SOX5: variants seen among roughly 807,000 people sequenced by gnomAD.
The protein encoded by SOX5 is transcription factor SOX-5.
A neutral mutation model predicts 92.0 loss-of-function variants in SOX5; 9 were observed. The observed-to-expected ratio is 0.10, with a 90% CI of 0.06 to 0.17. SOX5 has a LOEUF of 0.17. Ranked by LOEUF, SOX5 falls within the 10% of genes least tolerant of loss-of-function variation. The pLI, the probability that SOX5 is intolerant of heterozygous loss-of-function variation, is 1.00. For synonymous variants in SOX5, 344 were observed against 336.3 expected, an observed-to-expected ratio of 1.02 and a Z score of -0.25; for missense variants, 642 against 944.5, an observed-to-expected ratio of 0.68 and a Z score of 4.20.
chr12:23,592,429 T>A (rs1468483984), intron 9 of SOX5, among the ~76,000 whole-genome samples: 3 of 152,138 alleles, frequency 2.0e-5, no homozygotes, highest in Non-Finnish European at 4.4e-5. Context: ...CTAAAAGCTG[T>A]GGGATATTGC....
chr12:23,682,743 T>A (rs1451216073), intron 6 of SOX5, among the ~76,000 whole-genome samples: 4 of 151,792 alleles, frequency 2.6e-5, no homozygotes, highest in African/African-American at 9.7e-5. Context: ...ATTCAAAATA[T>A]TACATGTTTG....
chr12:24,313,162 C>T (rs1184479129), intron 2 of SOX5, among the ~76,000 whole-genome samples: 2 of 152,112 alleles, frequency 1.3e-5, no homozygotes, highest in African/African-American at 2.4e-5. Context: ...TGAAGGGTCC[C>T]AGATCCTCTA....
intron 4 of SOX5, among the ~76,000 whole-genome samples, chr12:23,977,054 T>C (rs940750000): frequency 1.3e-5 from 2 of 152,184 alleles, no homozygotes; most frequent in Non-Finnish European, 2.9e-5. Flanking sequence ...ATTATCCTTA[T>C]GGAAATATCA....
intron 2 of SOX5, among the ~76,000 whole-genome samples, chr12:24,322,601 G>A (rs954811650): frequency 1.1e-4 from 16 of 152,066 alleles, no homozygotes; most frequent in African/African-American, 3.6e-4. Flanking sequence ...TTATGTTGGT[G>A]TCTCAGTGAG....
At chr12:23,986,216 C>T (rs977086025) in intron 4 of SOX5, among the ~76,000 whole-genome samples, 3 of 152,082 alleles carry the variant, frequency 2.0e-5, no homozygotes, top group African/African-American at 7.2e-5. Context: ...ATAAATCTAT[C>T]TTTAACTGGC....
At chr12:24,038,615 G>A (rs779149305) in intron 4 of SOX5, among the ~76,000 whole-genome samples, 42 of 152,088 alleles carry the variant, frequency 2.8e-4, no homozygotes, top group Non-Finnish European at 5.3e-4. Context: ...GGTCCACGTA[G>A]AGCACAATAT....
At chr12:24,031,590 T>A (rs1034703350) in intron 4 of SOX5, among the ~76,000 whole-genome samples, 2 of 151,748 alleles carry the variant, frequency 1.3e-5, no homozygotes, top group Non-Finnish European at 2.9e-5. Context: ...ATTTTCCTGA[T>A]TCGAATCCTA....
chr12:24,284,798 T>C (rs1465212577), intron 2 of SOX5, among the ~76,000 whole-genome samples: 1 of 152,170 alleles, frequency 6.6e-6, no homozygotes. Context: ...ACTGTCAATG[T>C]GTAACAATTT....
chr12:23,965,756 C>A (rs1437916933), intron 4 of SOX5, among the ~76,000 whole-genome samples: 1 of 152,016 alleles, frequency 6.6e-6, no homozygotes, highest in Non-Finnish European at 1.5e-5. Flanking sequence ...GTAGCTGGGA[C>A]TACAGGCGTG....
chr12:23,596,340 A>G (rs1952441847), intron 9 of SOX5, among the ~76,000 whole-genome samples: 1 of 152,160 alleles, frequency 6.6e-6, no homozygotes, highest in Non-Finnish European at 1.5e-5. Context: ...CATATATACT[A>G]TTTTCCATCA....
At chr12:24,124,585 AAAAAG>A (rs997057041) in intron 4 of SOX5, among the ~76,000 whole-genome samples, 33 of 150,632 alleles carry the variant, frequency 2.2e-4, no homozygotes, top group African/African-American at 8.0e-4. Flanking sequence ...AGAAAAAAAG[AAAAAG>A]AAAAGGATTT....
chr12:24,370,158 G>A (rs1391940701), intron 1 of SOX5, among the ~76,000 whole-genome samples: 1 of 152,068 alleles, frequency 6.6e-6, no homozygotes, highest in Non-Finnish European at 1.5e-5. Flanking sequence ...TCAGATGTTA[G>A]AAAATAAACT....
chr12:23,728,135 G>A (rs988044929), intron 6 of SOX5, among the ~76,000 whole-genome samples: 1 of 152,104 alleles, frequency 6.6e-6, no homozygotes, highest in Non-Finnish European at 1.5e-5. Context: ...CTTCTCAAAT[G>A]GAAGTTATGC....
intron 4 of SOX5, among the ~76,000 whole-genome samples, chr12:24,158,676 T>C (rs1364600882): frequency 6.6e-6 from 1 of 151,974 alleles, no homozygotes; most frequent in Admixed American, 6.6e-5. Context: ...GAATTTTCAC[T>C]CAGAAACTGC....
intron 3 of SOX5, among the ~76,000 whole-genome samples, chr12:24,242,892 ATAT>A (rs1196442427): frequency 6.6e-6 from 1 of 152,202 alleles, no homozygotes; most frequent in Admixed American, 6.5e-5. Flanking sequence ...ACTTAAGTGT[ATAT>A]GTACAAAAAT....
At chr12:23,843,414 G>A (rs561131863) in intron 3 of SOX5, among the ~76,000 whole-genome samples, 5 of 151,744 alleles carry the variant, frequency 3.3e-5, no homozygotes, top group East Asian at 3.9e-4. Flanking sequence ...GACTGTATAC[G>A]GATGGAATAC....
chr12:24,348,002 G>A (rs1398628036), intron 2 of SOX5, among the ~76,000 whole-genome samples: 1 of 136,588 alleles, frequency 7.3e-6, no homozygotes, highest in Non-Finnish European at 1.5e-5. Context: ...CGGATATAAA[G>A]GGAATTTTTT....
At chr12:24,068,988 G>T (rs1404778668) in intron 4 of SOX5, among the ~76,000 whole-genome samples, 1 of 146,490 alleles carries the variant, frequency 6.8e-6, no homozygotes, top group Non-Finnish European at 1.5e-5. Flanking sequence ...GCAGGAATTT[G>T]GGAAAAAAAA....
chr12:24,171,712 C>T (rs972119904), intron 4 of SOX5, among the ~76,000 whole-genome samples: 1 of 151,976 alleles, frequency 6.6e-6, no homozygotes, highest in Middle Eastern at 3.2e-3. Flanking sequence ...AGAAGGGACC[C>T]TTTGGCCAGG....
Sources: gnomAD v4.1 joint callset for allele counts (sites outside exome capture counted in the v4.1 genomes callset) on GRCh38, gnomAD v4.1.1 for gene constraint, MANE v1.5 for transcripts, NCBI Gene and HGNC (gene_info 2026-07-23, HGNC 2026-07-21) for gene names.